Variants in GRPEL1 observed in about 807,000 individuals in gnomAD.
The protein encoded by GRPEL1 is GrpE like 1, mitochondrial.
A neutral mutation model predicts 22.1 loss-of-function variants in GRPEL1; 13 were observed. The observed-to-expected ratio is 0.59, with a 90% CI of 0.38 to 0.94. GRPEL1 has a LOEUF of 0.94. GRPEL1 is among the 40% of genes least tolerant of loss of function. The probability of loss-of-function intolerance (pLI) is 0.00; values close to 1 mark genes in which losing one functional copy is unlikely to be tolerated. For missense variants in GRPEL1, 289 were observed against 264.6 expected (o/e 1.09, Z -0.64); for synonymous variants, 109 against 105.3 (o/e 1.03, Z -0.21).
rs144375092 is a variant in GRPEL1, at chr4:7,061,069, G to A, written c.447C>T (p.Val149=). 924 of 1,614,224 alleles carry A rather than the reference G, an allele frequency of 5.7e-4. 1 individual carries two copies. The highest frequency in any genetic ancestry group is 2.0e-3 in the Middle Eastern group (12 of 6,062). ...NLYEGLVMTE[V]QIQKVFTKHG... ...GCTTTGTGAACACCTTCTGGATCTG[G>A]ACTTCAGTCATGACCAGCCCCTCAT... The change falls in exon 4 of 4, where the codon GTC becomes GTT. Residue 149 remains valine (V), a synonymous_variant. Coordinates refer to ENST00000264954, the MANE Select transcript of GRPEL1 (RefSeq NM_025196.4).
At chr4:7,065,186 A>G (rs982295627) in intron 1 of GRPEL1, among the ~76,000 whole-genome samples, 1 of 152,232 alleles carries the variant, frequency 6.6e-6, no homozygotes. Context: ...TGCAAAAAAA[A>G]GGTATCTAAA....
intron 1 of GRPEL1, among the ~76,000 whole-genome samples, chr4:7,066,939 A>G (rs1249152557): frequency 6.6e-6 from 1 of 152,248 alleles, no homozygotes; most frequent in African/African-American, 2.4e-5. Flanking sequence ...TAATTCCAAT[A>G]CAAAACCACC....
At position 7,068,047 on chromosome 4, in the gene GRPEL1, G is replaced by A. The variant is rs1212646965; in HGVS notation, c.-15C>T. The A allele has an allele frequency of 1.2e-5, 20 of 1,611,814 alleles. No individual in the cohort carries two copies. The highest frequency in any genetic ancestry group is 1.5e-5 in the Non-Finnish European group (18 of 1,179,270). On this transcript the variant is annotated 5_prime_UTR_variant, in exon 1 of 4. The change creates a new upstream start codon in the 5' untranslated region. Transcript: ENST00000264954. ...TGAGCCGCCATGACTGCCACTGCCC[G>A]TCGCAGTCGCCGCGCACGCACCAAG...
At chr4:7,062,788 A>C (rs913211818) in intron 2 of GRPEL1, among the ~76,000 whole-genome samples, 1 of 152,078 alleles carries the variant, frequency 6.6e-6, no homozygotes, top group Non-Finnish European at 1.5e-5. Context: ...CTGGGATTAC[A>C]GGTGTGGGCC....
intron 1 of GRPEL1, among the ~76,000 whole-genome samples, chr4:7,064,574 C>T (rs1724123323): frequency 6.6e-6 from 1 of 151,822 alleles, no homozygotes; most frequent in Non-Finnish European, 1.5e-5. Context: ...GCTCTGTCAC[C>T]CAAACTGAAG....
rs550675766 is a variant in GRPEL1 at position 7,059,672 on chromosome 4, A to G, written c.*1190T>C. ...TCCTGTGCAGCAAATGGCTTTCACA[A>G]GTATCTTCCATTCTAGAAGCAAAGG... On this transcript the variant is annotated 3_prime_UTR_variant, in exon 4 of 4. Coordinates refer to ENST00000264954, the MANE Select transcript of GRPEL1 (RefSeq NM_025196.4). The G allele has an allele frequency of 6.6e-6, 1 of 152,368 alleles. No individual in the cohort carries two copies. The highest frequency in any genetic ancestry group is 1.5e-5 in the Non-Finnish European group (1 of 68,036). The allele number at this position is 152,368 out of a possible 1,614,324, so 9.4% of individuals were successfully genotyped here.
In GRPEL1 at chr4:7,064,134, G is replaced by C. The variant is rs1347100507; in HGVS notation, c.152C>G (p.Ala51Gly). 6.2e-7 allele frequency: 1 copy of C among 1,614,160 alleles called. No individual in the cohort carries two copies. The highest frequency in any genetic ancestry group is 1.1e-5 in the South Asian group (1 of 91,080). Residue 51 changes from alanine to glycine, a missense_variant, in exon 2 of 4, where the codon GCA becomes GGA. By Grantham distance (60) the Ala-to-Gly change is moderately conservative (BLOSUM62 0). Coordinates refer to ENST00000264954, the MANE Select transcript of GRPEL1 (RefSeq NM_025196.4). ...EEDMGQSEQK[A>G]DPPATEKTLL... is the part of the protein sequence containing the mutation. Reference sequence around the variant, plus strand: ...GGTCTTCTCTGTAGCAGGAGGATCTGCCTTCTGTTCACTCTGACCCATGTC... The same window carrying C: ...GGTCTTCTCTGTAGCAGGAGGATCTCCCTTCTGTTCACTCTGACCCATGTC...
rs1723967176 is a variant in GRPEL1 at position 7,059,052 on chromosome 4, A to C, written c.*1810T>G. The C allele has an allele frequency of 6.6e-6, 1 of 152,208 alleles. No homozygotes were observed. The highest frequency in any genetic ancestry group is 2.4e-5 in the African/African-American group (1 of 41,436). 9.4% of individuals were successfully genotyped at this position (152,208 alleles called of 1,614,324 possible). On this transcript the variant is annotated 3_prime_UTR_variant, in exon 4 of 4. Transcript: ENST00000264954. ...ATAGCCTAGGTGTGGAGGAGGCTCC[A>C]CCACCTGTTTTTTAGGTCCATGTAG...
Position 7,062,488 on chromosome 4 carries a change from A to AC in GRPEL1, c.226-23_226-22insG, listed in dbSNP as rs1226387662. 3.1e-6 allele frequency: 2 copies of AC among 646,198 alleles called. 1 individual carries two copies. The highest frequency in any genetic ancestry group is 4.2e-6 in the Non-Finnish European group (2 of 475,864). 40.0% of individuals were successfully genotyped at this position (646,198 alleles called of 1,614,324 possible). A position where few individuals can be genotyped will look rare whatever the true frequency, so the allele number is the denominator to read the frequency against. On this transcript the variant is annotated intron_variant, in intron 2 of 3. Transcript: ENST00000264954. ...TTTCCTAAAAGAGAAAAAAAGGGATATTTATATATATATATATATATATAT... is the reference window on the plus strand; with the variant it reads ...TTTCCTAAAAGAGAAAAAAAGGGATACTTTATATATATATATATATATATAT...
chr4:7,067,439 C>T (rs1724196042), intron 1 of GRPEL1: 1 of 157,324 alleles, frequency 6.4e-6, no homozygotes. Flanking sequence ...GCAACACGCA[C>T]CTTGCGACAC....
In GRPEL1 at chr4:7,059,134, C is replaced by G. The variant is rs148069144; in HGVS notation, c.*1728G>C. 6.6e-6 allele frequency: 1 copy of G among 152,158 alleles called. No individual in the cohort carries two copies. The highest frequency in any genetic ancestry group is 1.5e-5 in the Non-Finnish European group (1 of 68,040). 9.4% of individuals were successfully genotyped at this position (152,158 alleles called of 1,614,324 possible). On this transcript the variant is annotated 3_prime_UTR_variant, in exon 4 of 4. Coordinates refer to ENST00000264954, the MANE Select transcript of GRPEL1 (RefSeq NM_025196.4). ...GACAGCGCATTTCTCAGAACACATC[C>G]CTGTGGTTAAGCCATGCTTGACTAT...
chr4:7,062,702 T>G (rs190755157), intron 2 of GRPEL1, among the ~76,000 whole-genome samples: 1 of 151,646 alleles, frequency 6.6e-6, no homozygotes, highest in African/African-American at 2.4e-5. Flanking sequence ...TTAGTAGAGA[T>G]AGGGTTTCAC....
intron 2 of GRPEL1, among the ~76,000 whole-genome samples, chr4:7,063,282 T>A (rs1488106074): frequency 6.6e-6 from 1 of 151,866 alleles, no homozygotes; most frequent in African/African-American, 2.4e-5. Context: ...AGAGATGGAG[T>A]CTCACTATGT....
chr4:7,064,464 A>AT (rs1560401137), intron 1 of GRPEL1: 7 of 321,074 alleles, frequency 2.2e-5, no homozygotes, highest in Non-Finnish European at 3.9e-5. Context: ...ACATATATAT[A>AT]TTTTTTTAGA....
intron 1 of GRPEL1, 106 bp downstream of exon 1, chr4:7,067,865 G>C (rs1328387453): frequency 8.2e-7 from 1 of 1,219,210 alleles, no homozygotes; most frequent in Non-Finnish European, 1.2e-6. Context: ...GAGATGCCCA[G>C]CTCCGGGGCC....
At position 7,059,270 on chromosome 4, in the gene GRPEL1, A is replaced by AT. The variant is rs1433955849; in HGVS notation, c.*1591dup. 1 of 152,214 alleles carries AT rather than the reference A, an allele frequency of 6.6e-6. No homozygotes were observed. The highest frequency in any genetic ancestry group is 1.5e-5 in the Non-Finnish European group (1 of 68,042). The allele number at this position is 152,214 out of a possible 1,614,324, so 9.4% of individuals were successfully genotyped here. A position where few individuals can be genotyped will look rare whatever the true frequency, so the allele number is the denominator to read the frequency against. On this transcript the variant is annotated 3_prime_UTR_variant, in exon 4 of 4. Transcript: ENST00000264954. ...TGACTGAAGCTTACTGTAAAAAAAT[A>AT]TTTTGCTACTTAAGCTATATTGCCT...
chr4:7,064,621 C>T (rs1232152641), intron 1 of GRPEL1, among the ~76,000 whole-genome samples: 1 of 152,118 alleles, frequency 6.6e-6, no homozygotes. Context: ...TCAAGGGATA[C>T]TCCCACCTCA....
Position 7,061,167 on chromosome 4 carries a change from C to A in GRPEL1, c.349G>T (p.Val117Phe). 1 of 1,613,558 alleles carries A rather than the reference C, an allele frequency of 6.2e-7. No individual in the cohort carries two copies. The highest frequency in any genetic ancestry group is 8.5e-7 in the Non-Finnish European group (1 of 1,179,778). Residue 117 changes from valine (V) to phenylalanine (F), a missense_variant, in exon 4 of 4, where the codon GTT becomes TTT. Coordinates refer to ENST00000264954, the MANE Select transcript of GRPEL1 (RefSeq NM_025196.4). Reference protein sequence around the residue: ...FCKDLLEVADVLEKATQCVPK... With the variant: ...FCKDLLEVADFLEKATQCVPK... ...ACACACTGTGTTGCCTTCTCCAGAA[C>A]GTCTGCCACCTCCAACAAGTCCTTG...
intron 1 of GRPEL1, chr4:7,067,303 A>T (rs1724192575): frequency 6.6e-6 from 1 of 152,178 alleles, no homozygotes; most frequent in African/African-American, 2.4e-5. Context: ...CAGGCCCGAA[A>T]TGTGCCCTTG....
Sources: gnomAD v4.1 joint callset for allele counts (sites outside exome capture counted in the v4.1 genomes callset) on GRCh38, gnomAD v4.1.1 for gene constraint, MANE v1.5 for transcripts, NCBI Gene and HGNC (gene_info 2026-07-23, HGNC 2026-07-21) for gene names.